Variants in XKR9 observed in about 807,000 individuals in gnomAD.
XKR9 encodes XK-related protein 9.
A neutral mutation model predicts 32.0 loss-of-function variants in XKR9; 32 were observed. The ratio of observed to expected loss-of-function variants is 1.00; its 90% CI spans 0.76 to 1.34. XKR9 has a LOEUF of 1.34. Ranked by LOEUF, XKR9 falls within the 40% of genes most tolerant of loss-of-function variation. The pLI, the probability that XKR9 is intolerant of heterozygous loss-of-function variation, is 0.00. For missense variants in XKR9, 546 were observed against 429.7 expected (o/e 1.27, Z -2.39); for synonymous variants, 168 against 143.4 (o/e 1.17, Z -1.22).
the XKR9 span, among the ~76,000 whole-genome samples, chr8:70,824,666 CTCTT>C: frequency 6.6e-6 from 1 of 152,012 alleles, no homozygotes; most frequent in Non-Finnish European, 1.5e-5. Context: ...TACATTTTTT[CTCTT>C]TCTGTCTCTC....
chr8:70,707,019 T>G lies in XKR9; in HGVS notation c.359T>G (p.Leu120Arg), dbSNP rs767275598. ...TSNFVEEQID[L>R]HKEVIDRVTD... ...AACTTCGTGGAAGAACAAATTGATC[T>G]ACATAAAGAAGTTATAGATAGAGTG... is the stretch of plus-strand genomic sequence containing the variant. The change falls in exon 4 of 5, where the codon CTA becomes CGA. Residue 120 changes from leucine to arginine, a missense_variant. Physicochemically the swap from Leu to Arg is moderately radical, Grantham distance 102. Transcript: ENST00000408926. 1 of 1,613,418 alleles carries G rather than the reference T, an allele frequency of 6.2e-7. No individual in the cohort carries two copies. The highest frequency in any genetic ancestry group is 1.7e-4 in the Middle Eastern group (1 of 6,058).
the XKR9 span, among the ~76,000 whole-genome samples, chr8:70,947,707 A>G: frequency 6.6e-6 from 1 of 152,242 alleles, no homozygotes; most frequent in Non-Finnish European, 1.5e-5. Context: ...TGGTTATACC[A>G]GGACTATTTG....
At chr8:70,944,715 A>G in the XKR9 span, among the ~76,000 whole-genome samples, 1 of 152,338 alleles carries the variant, frequency 6.6e-6, no homozygotes, top group East Asian at 1.9e-4. Flanking sequence ...CACAATCAGA[A>G]CATTTACTTA....
At chr8:70,806,679 C>A in the XKR9 span, among the ~76,000 whole-genome samples, 26 of 151,766 alleles carry the variant, frequency 1.7e-4, no homozygotes, top group Admixed American at 1.5e-3. Flanking sequence ...AGTTTGAAGA[C>A]CACCTTGCTG....
intron 2 of XKR9, among the ~76,000 whole-genome samples, chr8:70,774,363 G>T (rs1425673633): frequency 6.6e-6 from 1 of 151,990 alleles, no homozygotes; most frequent in African/African-American, 2.4e-5. Flanking sequence ...TTGGACTCCT[G>T]GGTTCAAGCA....
the XKR9 span, among the ~76,000 whole-genome samples, chr8:70,974,385 C>A: frequency 6.6e-6 from 1 of 152,088 alleles, no homozygotes; most frequent in African/African-American, 2.4e-5. Context: ...AATGCTCTCC[C>A]TCCCTGATCC....
chr8:70,849,058 A>G, the XKR9 span, among the ~76,000 whole-genome samples: 3 of 152,178 alleles, frequency 2.0e-5, no homozygotes, highest in Admixed American at 2.0e-4. Context: ...ATTAACAAGG[A>G]TATTCAGGAC....
chr8:70,985,820 A>G, the XKR9 span, among the ~76,000 whole-genome samples: 2 of 152,102 alleles, frequency 1.3e-5, no homozygotes, highest in African/African-American at 2.4e-5. Context: ...AAGAGCACGC[A>G]CAAATATTAT....
At chr8:70,897,681 G>A in the XKR9 span, among the ~76,000 whole-genome samples, 2 of 152,118 alleles carry the variant, frequency 1.3e-5, no homozygotes, top group Non-Finnish European at 2.9e-5. Context: ...TATCTCTTTT[G>A]AGAAATGTCT....
the XKR9 span, among the ~76,000 whole-genome samples, chr8:70,978,852 C>T: frequency 5.9e-5 from 9 of 152,262 alleles, no homozygotes; most frequent in Admixed American, 2.6e-4. Context: ...TTCCATTCTC[C>T]GCGTCACTTT....
At chr8:70,928,121 C>CAAAAA in the XKR9 span, among the ~76,000 whole-genome samples, 1 of 152,186 alleles carries the variant, frequency 6.6e-6, no homozygotes, top group Non-Finnish European at 1.5e-5. Flanking sequence ...CAGCTCACTG[C>CAAAAA]AACCTCAACC....
the XKR9 span, among the ~76,000 whole-genome samples, chr8:70,924,571 T>G: frequency 1.3e-5 from 2 of 152,170 alleles, no homozygotes; most frequent in Non-Finnish European, 2.9e-5. Context: ...AAGCCACCAT[T>G]TTCCTGTACC....
the XKR9 span, among the ~76,000 whole-genome samples, chr8:71,035,374 A>G: frequency 6.6e-6 from 1 of 152,314 alleles, no homozygotes; most frequent in South Asian, 2.1e-4. Context: ...GTAATAAACA[A>G]GAGGTCTACA....
chr8:70,742,227 G>A (rs1449725284), intron 2 of XKR9, among the ~76,000 whole-genome samples: 1 of 152,154 alleles, frequency 6.6e-6, no homozygotes, highest in African/African-American at 2.4e-5. Context: ...TCAGTAATAT[G>A]TCCCTTATGC....
chr8:70,767,068 G>A (rs938856698), intron 2 of XKR9, among the ~76,000 whole-genome samples: 2 of 151,904 alleles, frequency 1.3e-5, no homozygotes, highest in Non-Finnish European at 2.9e-5. Context: ...TCTTTTTTTT[G>A]TTGTGTCTTT....
the XKR9 span, among the ~76,000 whole-genome samples, chr8:70,942,002 C>G: frequency 6.6e-6 from 1 of 152,092 alleles, no homozygotes. Context: ...CTCCCAAAGC[C>G]TTGGACTTCC....
At chr8:70,863,147 A>G in the XKR9 span, among the ~76,000 whole-genome samples, 1 of 152,196 alleles carries the variant, frequency 6.6e-6, no homozygotes, top group East Asian at 1.9e-4. Context: ...ACTTTGCTGG[A>G]AAAAGACCTG....
intron 3 of XKR9, among the ~76,000 whole-genome samples, chr8:70,693,146 G>A (rs1374936124): frequency 6.6e-6 from 1 of 152,152 alleles, no homozygotes; most frequent in African/African-American, 2.4e-5. Context: ...TAGAGTTCTT[G>A]TATTGGCTAT....
chr8:70,977,991 G>A, the XKR9 span, among the ~76,000 whole-genome samples: 1 of 152,190 alleles, frequency 6.6e-6, no homozygotes, highest in Admixed American at 6.5e-5. Context: ...ATTATGTAAT[G>A]ACCTTCTTTG....
Sources: allele counts gnomAD v4.1 joint callset (sites outside exome capture counted in the v4.1 genomes callset), GRCh38; gene constraint gnomAD v4.1.1; transcripts MANE v1.5; gene names NCBI Gene and HGNC (gene_info 2026-07-23, HGNC 2026-07-21).